The following SNRPE variants were observed in gnomAD, a reference collection of about 807,000 sequenced individuals.
SNRPE encodes the protein small nuclear ribonucleoprotein E.
For synonymous variants in SNRPE, 35 were observed against 36.7 expected (o/e 0.95, Z 0.17); for missense variants, 53 against 111.6 (o/e 0.48, Z 2.36).
intron 1 of SNRPE, 122 bp from the exon 2 acceptor site, chr1:203,862,074 T>A: frequency 1.3e-6 from 1 of 769,354 alleles, no homozygotes; most frequent in Non-Finnish European, 2.3e-6. Flanking sequence ...ACTTGTTGTT[T>A]GCGTAAGCAC....
intron 4 of SNRPE, among the ~76,000 whole-genome samples, chr1:203,866,909 C>T (rs1050024146): frequency 6.6e-6 from 1 of 151,650 alleles, no homozygotes; most frequent in Non-Finnish European, 1.5e-5. Context: ...TTTGCCCAAC[C>T]ATTAATCTTT....
Position 203,870,233 on chromosome 1 carries a change from A to T in SNRPE, c.*301A>T. 4.4e-6 allele frequency: 1 copy of T among 227,340 alleles called. No homozygotes were observed. The allele number at this position is 227,340 out of a possible 1,614,324, so 14.1% of individuals were successfully genotyped here. A position where few individuals can be genotyped will look rare whatever the true frequency, so the allele number is the denominator to read the frequency against. On this transcript the variant is annotated 3_prime_UTR_variant, in exon 5 of 5. Coordinates refer to ENST00000414487, the MANE Select transcript of SNRPE (RefSeq NM_003094.4). ...CCTGTAGATTTTGAGGCAGATTAGG[A>T]ATTCTGCCTGATGGGTAAGCTTCCA...
chr1:203,864,130 T>G (rs1473115968), intron 3 of SNRPE, among the ~76,000 whole-genome samples: 1 of 152,086 alleles, frequency 6.6e-6, no homozygotes, highest in Admixed American at 6.6e-5. Context: ...AAATTTTTAT[T>G]TTTTATAGAG....
intron 2 of SNRPE, among the ~76,000 whole-genome samples, 156 bp downstream of exon 2, chr1:203,862,378 A>G (rs1365562181): frequency 3.9e-5 from 6 of 152,238 alleles, no homozygotes; most frequent in Non-Finnish European, 8.8e-5. Context: ...CTTAGAAAGC[A>G]CTAATGTGAT....
At chr1:203,865,374 CATTTT>C (rs1482741103) in intron 4 of SNRPE, among the ~76,000 whole-genome samples, 1 of 152,164 alleles carries the variant, frequency 6.6e-6, no homozygotes, top group African/African-American at 2.4e-5. Flanking sequence ...TACTAATCCT[CATTTT>C]ATTAAACTCT....
intron 4 of SNRPE, among the ~76,000 whole-genome samples, chr1:203,868,166 C>T (rs1351840814): frequency 2.8e-4 from 42 of 152,152 alleles, no homozygotes; most frequent in Admixed American, 2.7e-3. Context: ...AGCAATTCTC[C>T]TGCCTTAGAC....
intron 3 of SNRPE, 143 bp from the exon 4 acceptor site, chr1:203,864,898 A>AAC (rs1690057197): frequency 1.7e-4 from 77 of 449,124 alleles, no homozygotes; most frequent in Non-Finnish European, 2.3e-4. Context: ...AAAAAAAAAA[A>AAC]AAACTTTGGG....
Position 203,870,911 on chromosome 1 carries a change from T to C in SNRPE, c.*979T>C, listed in dbSNP as rs1433376865. On this transcript the variant is annotated 3_prime_UTR_variant, in exon 5 of 5. Transcript: ENST00000414487. ...CTGCCTTAAGTTCTGCTAAAGGCCA[T>C]GTTGTTATTAAGGACGGGTGAGGAA... 6.6e-6 allele frequency among the ~76,000 whole-genome samples: 1 copy of C among 152,232 alleles called. No homozygotes were observed. The highest frequency in any genetic ancestry group is 1.5e-5 in the Non-Finnish European group (1 of 68,042).
intron 3 of SNRPE, 54 bp downstream of exon 3, chr1:203,863,779 A>C: frequency 8.2e-7 from 1 of 1,214,854 alleles, no homozygotes; most frequent in Non-Finnish European, 1.2e-6. Context: ...AAAAAGACTT[A>C]ACAGAAAGTG....
In SNRPE at chr1:203,861,997, A is replaced by G. The variant is rs1345031054; in HGVS notation, c.55-199A>G. 4.9e-6 allele frequency: 3 copies of G among 618,090 alleles called. No homozygotes were observed. In the Admixed American group the frequency reaches 8.7e-5, roughly 18 times the overall value. 38.3% of individuals were successfully genotyped at this position (618,090 alleles called of 1,614,324 possible). ...GGAGTTAACGGTTTTGGGAAACTCC[A>G]GGGGGATGAAAGTGGAATGGATGTT... On this transcript the variant is annotated intron_variant, in intron 1 of 4. Transcript: ENST00000414487.
chr1:203,863,512 G>T (rs1211314523), intron 2 of SNRPE, 151 bp from the exon 3 acceptor site: 1 of 608,182 alleles, frequency 1.6e-6, no homozygotes, highest in South Asian at 2.1e-5. Context: ...GTAGAGATGG[G>T]GTTTCACCAT....
In SNRPE at chr1:203,869,969, A is replaced by T. The variant is rs776032941; in HGVS notation, c.*37A>T. The stretch of plus-strand genomic sequence containing the variant: ...GAAGTGAGAAATTGTTGAGAAGGAT[A>T]CAGTTTGTTTTTAGATGTCCTTTGT... On this transcript the variant is annotated 3_prime_UTR_variant, in exon 5 of 5. Coordinates refer to ENST00000414487, the MANE Select transcript of SNRPE (RefSeq NM_003094.4). 4.3e-6 allele frequency: 6 copies of T among 1,395,534 alleles called. No individual in the cohort carries two copies. In the South Asian group the frequency reaches 7.3e-5, roughly 17 times the overall value. 86.4% of individuals were successfully genotyped at this position (1,395,534 alleles called of 1,614,324 possible).
chr1:203,869,526 A>G (rs1440025498), intron 4 of SNRPE, among the ~76,000 whole-genome samples: 1 of 152,028 alleles, frequency 6.6e-6, no homozygotes, highest in African/African-American at 2.4e-5. Flanking sequence ...TAACAGCTTT[A>G]AGAATGGAGT....
At chr1:203,863,979 G>A (rs1558156817) in intron 3 of SNRPE, among the ~76,000 whole-genome samples, 1 of 152,096 alleles carries the variant, frequency 6.6e-6, no homozygotes, top group Non-Finnish European at 1.5e-5. Context: ...TTTTGAGAAA[G>A]GGCTTTGTTC....
At chr1:203,863,843 C>G in intron 3 of SNRPE, 118 bp downstream of exon 3, 1 of 672,236 alleles carries the variant, frequency 1.5e-6, no homozygotes, top group East Asian at 2.7e-5. Context: ...GAAAGTTTTT[C>G]AGGTGCTGCT....
In SNRPE at chr1:203,870,834, A is replaced by G. The variant is rs1266269224; in HGVS notation, c.*902A>G. On this transcript the variant is annotated 3_prime_UTR_variant, in exon 5 of 5. Transcript: ENST00000414487. ...AACAGACAGGTAAGCAGGTGGTTTT[A>G]ATGCCTCATTCTAAGTGCTATTTAA... 3.9e-5 allele frequency among the ~76,000 whole-genome samples: 6 copies of G among 152,224 alleles called. No individual in the cohort carries two copies.
At chr1:203,861,753 A>G (rs746600772) in intron 1 of SNRPE, 40 bp downstream of exon 1, 2 of 1,479,464 alleles carry the variant, frequency 1.4e-6, no homozygotes, top group South Asian at 1.1e-5. Context: ...GGTTCGGGTC[A>G]GAATACGGGG....
chr1:203,861,627 A>T lies in SNRPE; in HGVS notation c.-33A>T. 6.3e-7 allele frequency: 1 copy of T among 1,587,474 alleles called. No individual in the cohort carries two copies. The highest frequency in any genetic ancestry group is 8.7e-7 in the Non-Finnish European group (1 of 1,155,668). On this transcript the variant is annotated 5_prime_UTR_variant, in exon 1 of 5. Transcript: ENST00000414487. ...TATTCCGGAAGTTGCTCTCAGAGGC[A>T]GCGTGCGGGTGTGCTCTTTGTGAAA... is the stretch of plus-strand genomic sequence containing the variant.
intron 4 of SNRPE, among the ~76,000 whole-genome samples, chr1:203,867,595 C>G (rs1558158732): frequency 6.6e-6 from 1 of 152,156 alleles, no homozygotes; most frequent in Admixed American, 6.5e-5. Context: ...CTAGATCCCT[C>G]TTTGCCCGGT....
Sources: gnomAD v4.1 joint callset for allele counts (sites outside exome capture counted in the v4.1 genomes callset) on GRCh38, gnomAD v4.1.1 for gene constraint, MANE v1.5 for transcripts, NCBI Gene and HGNC (gene_info 2026-07-23, HGNC 2026-07-21) for gene names.